Variants in SDHC observed in about 807,000 individuals in gnomAD.
The protein encoded by SDHC is succinate dehydrogenase cytochrome b560 subunit, mitochondrial.
Under a neutral mutation model 22.6 loss-of-function variants are expected in SDHC, and 11 were observed. That is an observed-to-expected ratio of 0.49 (90% confidence interval 0.31 to 0.81). SDHC has a LOEUF of 0.81. Ranked by LOEUF, SDHC falls within the 30% of genes least tolerant of loss-of-function variation. The pLI is 0.05. For missense variants in SDHC, 160 were observed against 212.0 expected, an observed-to-expected ratio of 0.75 and a Z score of 1.52; for synonymous variants, 80 against 77.8, an observed-to-expected ratio of 1.03 and a Z score of -0.15.
rs923273539 is a variant in SDHC, at chr1:161,315,784, CACAG to C, written c.20+1363_20+1366del. On this transcript the variant is annotated intron_variant, in intron 1 of 5. Coordinates refer to ENST00000367975, the MANE Select transcript of SDHC (RefSeq NM_003001.5). ...ACGAGAGACTTGGAAAAGAAAGAGA[CACAG>C]ACAAAGTATAGAGAAAGAAAAAAGG... Among the ~76,000 whole-genome samples, 6 of 152,022 alleles carry C rather than the reference CACAG, an allele frequency of 3.9e-5. No homozygotes were observed. The South Asian group carries it at 8.3e-4, about 21-fold the overall frequency.
At chr1:161,323,782 G>T in intron 2 of SDHC, 112 bp downstream of exon 2, 5 of 730,976 alleles carry the variant, frequency 6.8e-6, no homozygotes, top group Non-Finnish European at 8.8e-6. Flanking sequence ...TGCAAGCGCC[G>T]CCTCTTGGGT....
At chr1:161,328,306 A>C in intron 2 of SDHC, 90 bp from the exon 3 acceptor site, 4 of 1,039,396 alleles carry the variant, frequency 3.8e-6, no homozygotes, top group Non-Finnish European at 6.0e-6. Flanking sequence ...CTGGCTTGGT[A>C]TTGCAAAATA....
intron 1 of SDHC, among the ~76,000 whole-genome samples, chr1:161,316,373 G>A (rs938281759): frequency 6.6e-6 from 1 of 152,232 alleles, no homozygotes; most frequent in Non-Finnish European, 1.5e-5. Flanking sequence ...TGTGTCCCTG[G>A]GTACTTGAGA....
chr1:161,332,228 T>C (rs1383399989), intron 3 of SDHC, among the ~76,000 whole-genome samples: 1 of 152,132 alleles, frequency 6.6e-6, no homozygotes, highest in Admixed American at 6.5e-5. Context: ...TCTCACCTTT[T>C]TCTCCCAAAG....
intron 5 of SDHC, among the ~76,000 whole-genome samples, chr1:161,360,651 C>T (rs993656423): frequency 2.7e-5 from 4 of 149,954 alleles, no homozygotes; most frequent in African/African-American, 7.4e-5. Context: ...GAGGCTGAGG[C>T]GGGAGGATTG....
chr1:161,321,891 C>A (rs1303273601), intron 1 of SDHC, among the ~76,000 whole-genome samples: 2 of 151,942 alleles, frequency 1.3e-5, no homozygotes, highest in African/African-American at 4.8e-5. Flanking sequence ...AGTTTTAGTC[C>A]CAGAAATTCA....
At chr1:161,337,747 A>G (rs932528433) in intron 3 of SDHC, among the ~76,000 whole-genome samples, 22 of 152,202 alleles carry the variant, frequency 1.4e-4, no homozygotes, top group Admixed American at 2.6e-4. Context: ...TATTTCTGAA[A>G]GATTTCTGGA....
intron 3 of SDHC, among the ~76,000 whole-genome samples, chr1:161,338,369 T>C (rs1487787145): frequency 2.6e-5 from 4 of 152,242 alleles, no homozygotes; most frequent in African/African-American, 4.8e-5. Flanking sequence ...TTAACCTCTT[T>C]ATTTCTCTTC....
chr1:161,317,016 C>CT (rs1670641308), intron 1 of SDHC, among the ~76,000 whole-genome samples: 1 of 140,248 alleles, frequency 7.1e-6, no homozygotes, highest in African/African-American at 2.9e-5. Context: ...TTTTTTGGTT[C>CT]TTTTTCTTTT....
At chr1:161,321,736 GAA>G (rs1670846109) in intron 1 of SDHC, among the ~76,000 whole-genome samples, 1 of 152,246 alleles carries the variant, frequency 6.6e-6, no homozygotes, top group African/African-American at 2.4e-5. Flanking sequence ...TGAAGCTTTT[GAA>G]AAGTTTGTGC....
At chr1:161,320,150 A>G (rs996275207) in intron 1 of SDHC, among the ~76,000 whole-genome samples, 1 of 152,188 alleles carries the variant, frequency 6.6e-6, no homozygotes, top group Non-Finnish European at 1.5e-5. Flanking sequence ...AACGAAGAGG[A>G]TATAGACTAT....
At chr1:161,316,589 C>G (rs1435997270) in intron 1 of SDHC, among the ~76,000 whole-genome samples, 1 of 152,154 alleles carries the variant, frequency 6.6e-6, no homozygotes, top group African/African-American at 2.4e-5. Flanking sequence ...TCTGATCTCT[C>G]TTTCTTTTCC....
intron 5 of SDHC, among the ~76,000 whole-genome samples, chr1:161,357,736 C>G (rs149857954): frequency 6.6e-6 from 1 of 152,198 alleles, no homozygotes; most frequent in Non-Finnish European, 1.5e-5. Flanking sequence ...TAAAAGAGAT[C>G]CCTGAAGGCA....
In SDHC at chr1:161,324,586, C is replaced by G. The variant is rs1366982059; in HGVS notation, c.77+916C>G. 3.9e-5 allele frequency among the ~76,000 whole-genome samples: 6 copies of G among 152,238 alleles called. No individual in the cohort carries two copies. In the South Asian group the frequency reaches 1.0e-3, roughly 26 times the overall value. On this transcript the variant is annotated intron_variant, in intron 2 of 5. Coordinates refer to ENST00000367975, the MANE Select transcript of SDHC (RefSeq NM_003001.5). ...CATTTTATTGTGTTTGCTTATCACT[C>G]TTTTTTGTATTTTAGATTATGCCAT... is the stretch of plus-strand genomic sequence containing the variant.
chr1:161,348,490 T>C (rs1023540565), intron 4 of SDHC, among the ~76,000 whole-genome samples: 1 of 151,484 alleles, frequency 6.6e-6, no homozygotes, highest in Non-Finnish European at 1.5e-5. Context: ...AAGAGGAGAC[T>C]AATAGCACTC....
At chr1:161,330,627 T>C (rs895447341) in intron 3 of SDHC, among the ~76,000 whole-genome samples, 14 of 152,274 alleles carry the variant, frequency 9.2e-5, no homozygotes, top group African/African-American at 3.4e-4. Context: ...AATTTCGGGG[T>C]ATGACAGTCT....
chr1:161,330,243 C>A (rs1671225181), intron 3 of SDHC, among the ~76,000 whole-genome samples: 1 of 152,200 alleles, frequency 6.6e-6, no homozygotes, highest in Non-Finnish European at 1.5e-5. Context: ...TCATCTAAAT[C>A]TCCCCATCTG....
intron 5 of SDHC, among the ~76,000 whole-genome samples, chr1:161,358,366 C>T (rs1444007116): frequency 1.3e-5 from 2 of 151,598 alleles, no homozygotes; most frequent in African/African-American, 4.9e-5. Flanking sequence ...CTCTTGGCTT[C>T]CCAAAGTGCT....
chr1:161,343,176 C>T (rs1671781187), intron 4 of SDHC, among the ~76,000 whole-genome samples: 1 of 152,146 alleles, frequency 6.6e-6, no homozygotes. Context: ...GAAAAGTGCT[C>T]TTGTTTCTGT....
Sources: gnomAD v4.1 joint callset for allele counts (sites outside exome capture counted in the v4.1 genomes callset) on GRCh38, gnomAD v4.1.1 for gene constraint, MANE v1.5 for transcripts, NCBI Gene and HGNC (gene_info 2026-07-23, HGNC 2026-07-21) for gene names.